Variants in ABCA9 observed in about 807,000 individuals in gnomAD.
ABCA9 encodes ATP-binding cassette sub-family A member 9.
Under a neutral mutation model 205.3 loss-of-function variants are expected in ABCA9, and 183 were observed. The observed-to-expected ratio is 0.89, with a 90% CI of 0.79 to 1.01. ABCA9 has a LOEUF of 1.01. Ranked by LOEUF, ABCA9 falls within the 50% of genes least tolerant of loss-of-function variation. ABCA9 has a pLI of 0.00. For missense variants in ABCA9, 1,805 were observed against 1,912.4 expected, an observed-to-expected ratio of 0.94 and a Z score of 1.05; for synonymous variants, 651 against 683.3, an observed-to-expected ratio of 0.95 and a Z score of 0.74.
intron 1 of ABCA9, among the ~76,000 whole-genome samples, chr17:69,055,532 C>A (rs1249004000): frequency 6.6e-6 from 1 of 152,100 alleles, no homozygotes; most frequent in East Asian, 1.9e-4. Context: ...GAGAGAACTG[C>A]AAAGAGAAAC....
At chr17:69,076,452 C>T in the ABCA9 span, among the ~76,000 whole-genome samples, 1 of 152,124 alleles carries the variant, frequency 6.6e-6, no homozygotes, top group African/African-American at 2.4e-5. Context: ...TATCTATATT[C>T]ACCAGGGATA....
At chr17:69,050,733 G>A (rs1191702407) in intron 2 of ABCA9, among the ~76,000 whole-genome samples, 1 of 151,930 alleles carries the variant, frequency 6.6e-6, no homozygotes, top group Non-Finnish European at 1.5e-5. Context: ...GAGCTCAGCG[G>A]TTAAGAATTG....
the ABCA9 span, among the ~76,000 whole-genome samples, chr17:69,066,391 T>TC: frequency 6.6e-6 from 1 of 152,156 alleles, no homozygotes; most frequent in African/African-American, 2.4e-5. Flanking sequence ...CTTTTTTTTT[T>TC]CAAGAAGCTT....
chr17:69,035,340 A>G lies in ABCA9; in HGVS notation c.1034T>C (p.Leu345Pro), dbSNP rs111283287. ...ACGTGTATACAATGCTGGGAATCCC[A>G]GGATCCCCCAAAAGACAATAAGGAG... ...VFLLIVFWGI[L>P]GFPALYTRLP... Residue 345 changes from leucine to proline, a missense_variant, in exon 8 of 39, where the codon CTG (leucine) becomes CCG (proline). Transcript: ENST00000340001. The G allele has an allele frequency of 6.2e-7, 1 of 1,610,884 alleles. No homozygotes were observed. The highest frequency in any genetic ancestry group is 8.5e-7 in the Non-Finnish European group (1 of 1,178,210).
At chr17:69,043,177 C>A (rs553468272) in intron 6 of ABCA9, 1 of 202,528 alleles carries the variant, frequency 4.9e-6, no homozygotes, top group East Asian at 1.3e-4. Context: ...ATAAGGAGCC[C>A]GCAACCTAGA....
Position 69,044,602 on chromosome 17 carries a change from T to A in ABCA9, c.470-2A>T, listed in dbSNP as rs760087871. ...TTTCATTCACTGCTTGACAGTGAGC[T>A]TTAGAAGAAGAACACATCCATTATT... On this transcript the variant is annotated splice_acceptor_variant, in intron 4 of 38. Coordinates refer to ENST00000340001, the MANE Select transcript of ABCA9 (RefSeq NM_080283.4). LOFTEE classifies it high-confidence loss of function. The A allele has an allele frequency of 3.1e-6, 5 of 1,610,526 alleles. No individual in the cohort carries two copies. The South Asian group carries it at 5.5e-5, about 18-fold the overall frequency.
At chr17:69,013,650 T>C (rs1390599893) in intron 22 of ABCA9, among the ~76,000 whole-genome samples, 1 of 152,110 alleles carries the variant, frequency 6.6e-6, no homozygotes, top group African/African-American at 2.4e-5. Context: ...AGTCAGAGTT[T>C]GATGTGACTC....
chr17:69,004,439 G>A lies in ABCA9; in HGVS notation c.3435+3320C>T, dbSNP rs527253878. Among the ~76,000 whole-genome samples, 6 of 152,346 alleles carry A rather than the reference G, an allele frequency of 3.9e-5. No individual in the cohort carries two copies. The South Asian group carries it at 1.2e-3, about 32-fold the overall frequency. Reference sequence around the variant, plus strand: ...TCCCAGTTAGGCTGCTCAGGGGTCAGGGACCCACTTGAGGAGGCAGTCTGC... The same window carrying A: ...TCCCAGTTAGGCTGCTCAGGGGTCAAGGACCCACTTGAGGAGGCAGTCTGC... On this transcript the variant is annotated intron_variant, in intron 25 of 38. Coordinates refer to ENST00000340001, the MANE Select transcript of ABCA9 (RefSeq NM_080283.4).
chr17:68,991,353 G>C (rs529964744), intron 28 of ABCA9, among the ~76,000 whole-genome samples: 2 of 152,108 alleles, frequency 1.3e-5, no homozygotes, highest in Non-Finnish European at 2.9e-5. Context: ...CAAAGATTTG[G>C]AATCAAGGAT....
intron 1 of ABCA9, among the ~76,000 whole-genome samples, chr17:69,054,051 C>T (rs1034186729): frequency 6.6e-6 from 1 of 152,082 alleles, no homozygotes; most frequent in African/African-American, 2.4e-5. Context: ...AGAGAATAAA[C>T]CCACCAACTT....
the ABCA9 span, among the ~76,000 whole-genome samples, chr17:69,070,989 G>A: frequency 1.3e-5 from 2 of 152,170 alleles, no homozygotes; most frequent in Non-Finnish European, 2.9e-5. Context: ...TTCAAACTGG[G>A]TGGAGCACAA....
Position 69,007,891 on chromosome 17 carries a change from A to C in ABCA9, c.3322-19T>G. On this transcript the variant is annotated intron_variant, in intron 24 of 38. Coordinates refer to ENST00000340001, the MANE Select transcript of ABCA9 (RefSeq NM_080283.4). ...ACAGGATCTGAAAACAGAAATGTTA[A>C]GGTCCAATAAGGTAAATACTATCTA... 6.6e-7 allele frequency: 1 copy of C among 1,520,860 alleles called. No homozygotes were observed. Among genetic ancestry groups the C allele is most frequent in the Non-Finnish European group, 9.1e-7 (1 of 1,099,448 alleles). The allele number at this position is 1,520,860 out of a possible 1,614,324, so 94.2% of individuals were successfully genotyped here. A position where few individuals can be genotyped will look rare whatever the true frequency, so the allele number is the denominator to read the frequency against.
chr17:69,064,303 T>G (rs1337028480), upstream of ABCA9, among the ~76,000 whole-genome samples: 1 of 152,220 alleles, frequency 6.6e-6, no homozygotes, highest in Non-Finnish European at 1.5e-5. Flanking sequence ...GGATCAGTAT[T>G]TTGTTCTACT....
At chr17:69,018,223 T>C in intron 20 of ABCA9, 190 bp downstream of exon 20, 2 of 508,622 alleles carry the variant, frequency 3.9e-6, no homozygotes. Flanking sequence ...TTAAGTAAAC[T>C]TGCAGAATCT....
chr17:69,024,444 A>G (rs2070918019), intron 16 of ABCA9, 91 bp from the exon 17 acceptor site: 2 of 1,267,156 alleles, frequency 1.6e-6, no homozygotes, highest in Non-Finnish European at 2.1e-6. Flanking sequence ...TCACTTTATT[A>G]ATATTTATGA....
chr17:69,029,019 G>T (rs1181525828), intron 11 of ABCA9, 150 bp downstream of exon 11: 9 of 415,584 alleles, frequency 2.2e-5, no homozygotes, highest in Non-Finnish European at 2.5e-5. Flanking sequence ...TGTTTTATGG[G>T]TTTTTTTTTT....
In ABCA9 at chr17:69,033,793, A is replaced by C. The variant is rs770551570; in HGVS notation, c.1209T>G (p.Leu403=). Residue 403 remains leucine (L), a synonymous_variant, in exon 9 of 39, where the codon CTT becomes CTG. Coordinates refer to ENST00000340001, the MANE Select transcript of ABCA9 (RefSeq NM_080283.4). ...SQNPYLIIAT[L]FMLVFDTLLY... The stretch of plus-strand genomic sequence containing the variant: ...GAAGGGTGTCAAAAACCAACATGAA[A>C]AGAGTAGCTATTATGAGGTATGGAT... 1 of 1,611,200 alleles carries C rather than the reference A, an allele frequency of 6.2e-7. No individual in the cohort carries two copies. The highest frequency in any genetic ancestry group is 8.5e-7 in the Non-Finnish European group (1 of 1,177,648).
chr17:69,002,095 G>C (rs1221830337), intron 25 of ABCA9, among the ~76,000 whole-genome samples: 6 of 149,714 alleles, frequency 4.0e-5, no homozygotes, highest in African/African-American at 1.5e-4. Flanking sequence ...TTTTTTGAAG[G>C]GTTTTTTTGT....
At chr17:69,068,484 T>C in the ABCA9 span, among the ~76,000 whole-genome samples, 1 of 151,996 alleles carries the variant, frequency 6.6e-6, no homozygotes, top group African/African-American at 2.4e-5. Flanking sequence ...AAAACAGAGA[T>C]CACATTTAAA....
Sources: gnomAD v4.1 joint callset for allele counts (sites outside exome capture counted in the v4.1 genomes callset) on GRCh38, gnomAD v4.1.1 for gene constraint, MANE v1.5 for transcripts, NCBI Gene and HGNC (gene_info 2026-07-23, HGNC 2026-07-21) for gene names.